The following DPP10 variants were observed in gnomAD, a reference collection of about 807,000 sequenced individuals.
DPP10 encodes the protein dipeptidyl peptidase like 10, also known as inactive dipeptidyl peptidase 10.
In DPP10, 33 loss-of-function variants were observed where a neutral mutation model predicts 120.9. The observed-to-expected ratio is 0.27, with a 90% CI of 0.21 to 0.37. DPP10 has a LOEUF of 0.37. DPP10 is among the 10% of genes least tolerant of loss of function. The pLI, the probability that DPP10 is intolerant of heterozygous loss-of-function variation, is 1.00. For synonymous variants in DPP10, 337 were observed against 326.1 expected, an observed-to-expected ratio of 1.03 and a Z score of -0.36; for missense variants, 816 against 942.8, an observed-to-expected ratio of 0.87 and a Z score of 1.76.
chr2:115,518,423 G>T (rs2077618953), intron 4 of DPP10, among the ~76,000 whole-genome samples: 1 of 152,056 alleles, frequency 6.6e-6, no homozygotes, highest in Non-Finnish European at 1.5e-5. Flanking sequence ...ACCATCAGCT[G>T]TCAAGAAGAT....
chr2:115,656,597 A>G (rs2088372581), intron 5 of DPP10, among the ~76,000 whole-genome samples: 1 of 151,586 alleles, frequency 6.6e-6, no homozygotes, highest in African/African-American at 2.4e-5. Context: ...ATTGCAAAAA[A>G]CTCTTGGCTA....
chr2:114,493,871 G>A (rs1682226988), intron 1 of DPP10, among the ~76,000 whole-genome samples: 1 of 152,038 alleles, frequency 6.6e-6, no homozygotes, highest in Admixed American at 6.6e-5. Flanking sequence ...ACTGAACTGG[G>A]AGTCAGGATA....
chr2:114,559,248 G>T (rs747127639), intron 1 of DPP10, among the ~76,000 whole-genome samples: 2 of 152,136 alleles, frequency 1.3e-5, no homozygotes, highest in Non-Finnish European at 2.9e-5. Flanking sequence ...TGTACTGTTA[G>T]GTACAATATA....
At chr2:115,282,109 C>G (rs2060181951) in intron 1 of DPP10, among the ~76,000 whole-genome samples, 1 of 151,922 alleles carries the variant, frequency 6.6e-6, no homozygotes, top group Non-Finnish European at 1.5e-5. Context: ...TAGAAACAAG[C>G]AATCAACTGA....
intron 11 of DPP10, among the ~76,000 whole-genome samples, chr2:115,762,127 G>C (rs557758140): frequency 3.9e-4 from 60 of 152,244 alleles, no homozygotes; most frequent in Admixed American, 7.2e-4. Context: ...AAAAAAGAAG[G>C]CCATGATTAT....
chr2:115,712,543 A>ATATATATATATATATAATATATATAT (rs56675119), intron 7 of DPP10, among the ~76,000 whole-genome samples: 1 of 64,276 alleles, frequency 1.6e-5, no homozygotes, highest in African/African-American at 5.5e-5. Flanking sequence ...TCCTGAATTA[A>ATATATATATATATATAATATATATAT]ATATATATAT....
At chr2:114,745,054 C>T (rs1678446917) in intron 1 of DPP10, among the ~76,000 whole-genome samples, 1 of 152,014 alleles carries the variant, frequency 6.6e-6, no homozygotes, top group African/African-American at 2.4e-5. Flanking sequence ...GCCACCGTGC[C>T]TGGCCACAAT....
intron 3 of DPP10, among the ~76,000 whole-genome samples, chr2:115,408,558 C>G (rs984446439): frequency 6.6e-6 from 1 of 151,964 alleles, no homozygotes; most frequent in Non-Finnish European, 1.5e-5. Flanking sequence ...CTCAAAGGGA[C>G]CATATGCTAA....
chr2:115,271,217 A>G (rs996778191), intron 1 of DPP10, among the ~76,000 whole-genome samples: 7 of 152,250 alleles, frequency 4.6e-5, no homozygotes, highest in Non-Finnish European at 7.3e-5. Context: ...TGTGGACAAC[A>G]TTAAAATAAA....
intron 3 of DPP10, among the ~76,000 whole-genome samples, chr2:115,396,478 C>G (rs2067688238): frequency 6.6e-6 from 1 of 152,200 alleles, no homozygotes. Context: ...CAAGCCATTT[C>G]TCCCATGTGG....
At chr2:114,980,120 CAAAT>C (rs762819361) in intron 1 of DPP10, among the ~76,000 whole-genome samples, 5 of 152,012 alleles carry the variant, frequency 3.3e-5, no homozygotes, top group Non-Finnish European at 7.4e-5. Context: ...GTATAACTGA[CAAAT>C]AAAACTTGTT....
intron 1 of DPP10, among the ~76,000 whole-genome samples, chr2:114,824,944 G>A (rs1045636868): frequency 1.4e-4 from 21 of 152,188 alleles, no homozygotes; most frequent in Non-Finnish European, 2.5e-4. Flanking sequence ...CCCTGGAGTG[G>A]CATCCTCTAG....
chr2:115,230,935 A>G (rs1366173402), intron 1 of DPP10, among the ~76,000 whole-genome samples: 1 of 152,054 alleles, frequency 6.6e-6, no homozygotes, highest in Admixed American at 6.6e-5. Flanking sequence ...TAAAGCCAAA[A>G]TTAGCTAATT....
chr2:114,788,022 T>C (rs1682907461), intron 1 of DPP10, among the ~76,000 whole-genome samples: 1 of 152,192 alleles, frequency 6.6e-6, no homozygotes, highest in Non-Finnish European at 1.5e-5. Context: ...ACACATATTA[T>C]CATGTCATCA....
At chr2:115,332,568 A>T (rs971887269) in intron 2 of DPP10, among the ~76,000 whole-genome samples, 2 of 152,136 alleles carry the variant, frequency 1.3e-5, no homozygotes, top group African/African-American at 4.8e-5. Context: ...ATTTAGTGCT[A>T]TGAATTTCCC....
intron 1 of DPP10, among the ~76,000 whole-genome samples, chr2:114,545,988 C>A (rs1258266941): frequency 6.6e-6 from 1 of 152,016 alleles, no homozygotes; most frequent in Non-Finnish European, 1.5e-5. Flanking sequence ...TTTATATACT[C>A]ATATTGATGG....
intron 1 of DPP10, among the ~76,000 whole-genome samples, chr2:115,149,987 C>T (rs1165725296): frequency 6.6e-6 from 1 of 152,048 alleles, no homozygotes; most frequent in Non-Finnish European, 1.5e-5. Context: ...GGAGAAAATG[C>T]CTGTGAGGGA....
At chr2:114,828,763 G>A (rs932369507) in intron 1 of DPP10, 2 of 152,278 alleles carry the variant, frequency 1.3e-5, no homozygotes, top group South Asian at 2.1e-4. Context: ...TCATTGAAGT[G>A]TCCAAGCAGG....
chr2:114,995,348 C>T (rs899030884), intron 1 of DPP10, among the ~76,000 whole-genome samples: 1 of 152,150 alleles, frequency 6.6e-6, no homozygotes, highest in East Asian at 1.9e-4. Flanking sequence ...TCTCTTTCCC[C>T]CATTCCTAGA....
Sources: allele counts gnomAD v4.1 joint callset (sites outside exome capture counted in the v4.1 genomes callset), GRCh38; gene constraint gnomAD v4.1.1; transcripts MANE v1.5; gene names NCBI Gene and HGNC (gene_info 2026-07-23, HGNC 2026-07-21).